TRAPPC8: variants seen among roughly 807,000 people sequenced by gnomAD.
TRAPPC8 encodes general sporulation gene 1 homolog.
Under a neutral mutation model 174.3 loss-of-function variants are expected in TRAPPC8, and 54 were observed. The observed-to-expected ratio is 0.31, with a 90% CI of 0.25 to 0.39. The LOEUF is 0.39. Ranked by LOEUF, TRAPPC8 falls within the 10% of genes least tolerant of loss-of-function variation. The probability of loss-of-function intolerance (pLI) is 1.00; values close to 1 mark genes in which losing one functional copy is unlikely to be tolerated. For missense variants in TRAPPC8, 1,531 were observed against 1,699.1 expected (o/e 0.90, Z 1.74); for synonymous variants, 630 against 579.9 (o/e 1.09, Z -1.24).
intron 19 of TRAPPC8, among the ~76,000 whole-genome samples, chr18:31,861,476 C>T (rs2034317282): frequency 6.6e-6 from 1 of 152,150 alleles, no homozygotes; most frequent in African/African-American, 2.4e-5. Context: ...AGTGAAAAAA[C>T]TTTCACTTAG....
intron 12 of TRAPPC8, among the ~76,000 whole-genome samples, chr18:31,879,364 G>C (rs1043193627): frequency 2.0e-5 from 3 of 152,058 alleles, no homozygotes; most frequent in African/African-American, 4.8e-5. Flanking sequence ...AAGCAACTTG[G>C]TATTGAATGA....
At chr18:31,888,159 G>T (rs2035803106) in intron 12 of TRAPPC8, among the ~76,000 whole-genome samples, 1 of 152,088 alleles carries the variant, frequency 6.6e-6, no homozygotes, top group Middle Eastern at 3.2e-3. Context: ...AAAAAAGAAT[G>T]CTCAACATCA....
At chr18:31,854,840 C>T (rs988596514) in intron 21 of TRAPPC8, among the ~76,000 whole-genome samples, 1 of 151,172 alleles carries the variant, frequency 6.6e-6, no homozygotes, top group Admixed American at 6.6e-5. Context: ...GTGGTGGGTG[C>T]CTGTGGTCCC....
chr18:31,922,943 G>C (rs1205933287), intron 2 of TRAPPC8, among the ~76,000 whole-genome samples: 1 of 152,166 alleles, frequency 6.6e-6, no homozygotes, highest in Non-Finnish European at 1.5e-5. Context: ...CTTGAGCCCA[G>C]GAGGCAGAGG....
At chr18:31,834,316 A>G (rs2032579618) in intron 27 of TRAPPC8, among the ~76,000 whole-genome samples, 1 of 151,926 alleles carries the variant, frequency 6.6e-6, no homozygotes. Context: ...CACCATGTTG[A>G]CTAGGCTGGT....
At position 31,857,819 on chromosome 18, in the gene TRAPPC8, A is replaced by G. The variant is rs2034109299; in HGVS notation, c.2909T>C (p.Leu970Pro). Residue 970 changes from leucine to proline, a missense_variant, in exon 20 of 29, where the codon CTA becomes CCA. Physicochemically the swap from Leu to Pro is moderately conservative, Grantham distance 98 (BLOSUM62 -3). Coordinates refer to ENST00000283351, the MANE Select transcript of TRAPPC8 (RefSeq NM_014939.5). ...ACAATTCTCAGAAGCTGAGGGACTT[A>G]GTGGTGTTAGAACAGCAGTATTACC... ...FGGNTAVLTP[L>P]SPSASENCSA... The G allele has an allele frequency of 3.7e-6, 6 of 1,614,100 alleles. No individual in the cohort carries two copies. The highest frequency in any genetic ancestry group is 2.7e-5 in the African/African-American group (2 of 74,952).
At chr18:31,841,200 C>T (rs555041417) in intron 26 of TRAPPC8, among the ~76,000 whole-genome samples, 7 of 151,970 alleles carry the variant, frequency 4.6e-5, no homozygotes, top group Non-Finnish European at 1.0e-4. Context: ...AGAAAAGGAA[C>T]TTGATTATGG....
chr18:31,853,945 T>A lies in TRAPPC8; in HGVS notation c.3337A>T (p.Ser1113Cys). Residue 1113 changes from serine (S) to cysteine (C), a missense_variant and splice_region_variant, in exon 22 of 29, where the codon AGT (serine) becomes TGT (cysteine). Ser to Cys is a moderately radical substitution (Grantham distance 112). Coordinates refer to ENST00000283351, the MANE Select transcript of TRAPPC8 (RefSeq NM_014939.5). The stretch of plus-strand genomic sequence containing the variant: ...TGGAATTCCTTAACGCCTGCTTCAC[T>A]CTGTCAAAAAAAAAGATAGGAGTCA... ...VFVDVENTNT[S>C]EAGVKEFHIV... 2 of 1,601,768 alleles carry A rather than the reference T, an allele frequency of 1.2e-6. No individual in the cohort carries two copies. Among genetic ancestry groups the A allele is most frequent in the Admixed American group, 1.7e-5 (1 of 57,412 alleles).
chr18:31,862,434 C>A (rs1035464109), intron 19 of TRAPPC8, among the ~76,000 whole-genome samples: 2 of 151,568 alleles, frequency 1.3e-5, no homozygotes, highest in Non-Finnish European at 2.9e-5. Context: ...TAAAAGAGAA[C>A]CTGGTATGGA....
intron 9 of TRAPPC8, among the ~76,000 whole-genome samples, chr18:31,903,796 CAGG>C (rs1207663696): frequency 6.6e-6 from 1 of 151,686 alleles, no homozygotes; most frequent in Non-Finnish European, 1.5e-5. Flanking sequence ...GAGGCTGAGG[CAGG>C]AGGAGTGCTT....
At chr18:31,899,046 T>G (rs1721907585) in intron 10 of TRAPPC8, among the ~76,000 whole-genome samples, 1 of 152,196 alleles carries the variant, frequency 6.6e-6, no homozygotes, top group Non-Finnish European at 1.5e-5. Context: ...TCATAAACTT[T>G]CTACAAATCA....
At chr18:31,897,749 A>C in intron 11 of TRAPPC8, 37 bp downstream of exon 11, 2 of 1,368,354 alleles carry the variant, frequency 1.5e-6, no homozygotes, top group Non-Finnish European at 1.9e-6. Flanking sequence ...AAAAAAGAAC[A>C]ATGCTAATTA....
In TRAPPC8 at chr18:31,851,100, A is replaced by C. The variant is rs57375590; in HGVS notation, c.3561+1346T>G. On this transcript the variant is annotated intron_variant, in intron 24 of 28. Coordinates refer to ENST00000283351, the MANE Select transcript of TRAPPC8 (RefSeq NM_014939.5). ...GAAAGCAAATGATAAAAGAAGTACA[A>C]AAATATAAGGATGTTTAGAATTATC... Among the ~76,000 whole-genome samples the C allele has an allele frequency of 9.8e-3, 1,500 of 152,318 alleles. 25 individuals are homozygous for C. Among genetic ancestry groups the C allele is most frequent in the African/African-American group, 0.035 (1,435 of 41,562 alleles).
chr18:31,920,773 T>TA (rs2037350618), intron 2 of TRAPPC8, among the ~76,000 whole-genome samples: 1 of 151,722 alleles, frequency 6.6e-6, no homozygotes, highest in Non-Finnish European at 1.5e-5. Flanking sequence ...GAACGCTGTC[T>TA]CTACTAAAAA....
Position 31,900,917 on chromosome 18 carries a change from T to C in TRAPPC8, c.1490+8A>G, listed in dbSNP as rs1478939799. 1.3e-6 allele frequency: 2 copies of C among 1,572,734 alleles called. No individual in the cohort carries two copies. The highest frequency in any genetic ancestry group is 1.2e-5 in the South Asian group (1 of 85,292). On this transcript the variant is annotated splice_region_variant and intron_variant, in intron 10 of 28. Transcript: ENST00000283351. The stretch of plus-strand genomic sequence containing the variant: ...TGGATACAATATAAATCTTATATAG[T>C]CACCTACTTGCAGATATCTCTGTAT...
At chr18:31,858,890 A>G (rs1383157708) in intron 19 of TRAPPC8, among the ~76,000 whole-genome samples, 2 of 152,172 alleles carry the variant, frequency 1.3e-5, no homozygotes, top group Non-Finnish European at 2.9e-5. Context: ...GGATCCCTTG[A>G]GCTCAGGAGT....
At chr18:31,942,539 C>T (rs1049130518) in intron 1 of TRAPPC8, 69 bp downstream of exon 1, 9 of 1,455,006 alleles carry the variant, frequency 6.2e-6, no homozygotes, top group Non-Finnish European at 8.2e-6. Context: ...CTTCCCTGCC[C>T]GCCCGCAACT....
At chr18:31,831,088 C>T (rs1417942479) in intron 28 of TRAPPC8, 99 bp from the exon 29 acceptor site, 2 of 979,438 alleles carry the variant, frequency 2.0e-6, no homozygotes, top group Non-Finnish European at 3.0e-6. Context: ...CGCGGTGGCT[C>T]ACGCCTGTAA....
At chr18:31,883,760 TG>T (rs1167348968) in intron 12 of TRAPPC8, 2 of 152,130 alleles carry the variant, frequency 1.3e-5, no homozygotes, top group Admixed American at 6.5e-5. Flanking sequence ...AACCCAAAAG[TG>T]GTAACAGTTC....
Sources: gnomAD v4.1 joint callset for allele counts (sites outside exome capture counted in the v4.1 genomes callset) on GRCh38, gnomAD v4.1.1 for gene constraint, MANE v1.5 for transcripts, NCBI Gene and HGNC (gene_info 2026-07-23, HGNC 2026-07-21) for gene names.